DGKB: variants seen among roughly 807,000 people sequenced by gnomAD.
DGKB encodes the protein diacylglycerol kinase beta.
DGKB carries 67 observed loss-of-function variants against 114.3 expected under a neutral mutation model. The observed-to-expected ratio is 0.59, with a 90% CI of 0.48 to 0.72. The LOEUF (loss-of-function observed/expected upper bound fraction) is 0.72. Among genes scored for constraint, DGKB ranks in the 30% least tolerant of loss-of-function variants. The pLI, the probability that DGKB is intolerant of heterozygous loss-of-function variation, is 0.00. For synonymous variants in DGKB, 398 were observed against 323.1 expected, an observed-to-expected ratio of 1.23 and a Z score of -2.49; for missense variants, 907 against 975.2, an observed-to-expected ratio of 0.93 and a Z score of 0.93.
intron 23 of DGKB, among the ~76,000 whole-genome samples, chr7:14,230,914 T>C (rs748792697): frequency 2.0e-5 from 3 of 152,060 alleles, no homozygotes; most frequent in Non-Finnish European, 4.4e-5. Context: ...TGTAAGACTA[T>C]TATAAATATT....
At chr7:14,230,830 A>G (rs535517050) in intron 23 of DGKB, among the ~76,000 whole-genome samples, 2 of 152,028 alleles carry the variant, frequency 1.3e-5, no homozygotes, top group Non-Finnish European at 2.9e-5. Flanking sequence ...TACCCTCTCC[A>G]TATTTACTAC....
intron 2 of DGKB, among the ~76,000 whole-genome samples, chr7:14,793,024 G>A (rs781251866): frequency 1.1e-4 from 17 of 152,170 alleles, no homozygotes; most frequent in Admixed American, 2.0e-4. Context: ...AAAAAAAGTC[G>A]TCTGAGGCAA....
intron 5 of DGKB, among the ~76,000 whole-genome samples, chr7:14,722,184 G>A (rs1251465095): frequency 6.6e-6 from 1 of 152,158 alleles, no homozygotes; most frequent in South Asian, 2.1e-4. Context: ...TTGGACAGGT[G>A]TATAATGAAG....
chr7:14,400,747 T>A (rs965281640), intron 21 of DGKB, among the ~76,000 whole-genome samples: 1 of 84,164 alleles, frequency 1.2e-5, no homozygotes, highest in African/African-American at 3.7e-5. Flanking sequence ...TTGTTTCTTG[T>A]GTGAGATGAA....
chr7:14,390,564 AT>A (rs1457962812), intron 21 of DGKB, among the ~76,000 whole-genome samples: 4 of 152,166 alleles, frequency 2.6e-5, no homozygotes, highest in African/African-American at 9.7e-5. Context: ...TATACACTTA[AT>A]TTTTATATTA....
intron 21 of DGKB, among the ~76,000 whole-genome samples, chr7:14,365,448 C>T (rs1225096204): frequency 1.3e-5 from 2 of 152,000 alleles, no homozygotes; most frequent in African/African-American, 4.8e-5. Context: ...GAAGGGACAG[C>T]CCAGAACCGA....
Position 14,265,318 on chromosome 7 carries a change from C to CTTTTTTTTTTTTTTTTTTTTTTTTT in DGKB, c.2122+73196_2122+73197insAAAAAAAAAAAAAAAAAAAAAAAAA, listed in dbSNP as rs781569705. Among the ~76,000 whole-genome samples, 142 of 67,730 alleles carry CTTTTTTTTTTTTTTTTTTTTTTTTT rather than the reference C, an allele frequency of 2.1e-3. 17 individuals carry two copies. Among genetic ancestry groups the CTTTTTTTTTTTTTTTTTTTTTTTTT allele is most frequent in the Middle Eastern group, 0.014 (1 of 74 alleles). 44.4% of individuals were successfully genotyped at this position (67,730 alleles called of 152,430 possible). ...GGACTGCTGTCTTTTCTCTTGCATT[C>CTTTTTTTTTTTTTTTTTTTTTTTTT]TTTTTTTTTTTTTTTTTTTTGCTTA... On this transcript the variant is annotated intron_variant, in intron 23 of 25. Transcript: ENST00000402815.
intron 20 of DGKB, among the ~76,000 whole-genome samples, chr7:14,487,583 C>CTTTT (rs11433526): frequency 8.7e-5 from 11 of 125,916 alleles, no homozygotes; most frequent in Admixed American, 2.6e-4. Context: ...AAGAAAATTC[C>CTTTT]TTTTTTTTTT....
intron 23 of DGKB, among the ~76,000 whole-genome samples, chr7:14,231,104 T>TTTCC (rs1791715015): frequency 8.2e-6 from 1 of 121,646 alleles, no homozygotes; most frequent in Non-Finnish European, 1.8e-5. Flanking sequence ...TCTTTCTTTC[T>TTTCC]TTCTTTCTTT....
intron 2 of DGKB, among the ~76,000 whole-genome samples, chr7:14,786,139 T>TACACACACAC (rs367551082): frequency 2.0e-4 from 30 of 148,554 alleles, no homozygotes; most frequent in African/African-American, 7.1e-4. Flanking sequence ...CAGGAACATG[T>TACACACACAC]ACACACACAC....
At chr7:14,439,315 G>A (rs1057117954) in intron 21 of DGKB, among the ~76,000 whole-genome samples, 2 of 151,986 alleles carry the variant, frequency 1.3e-5, no homozygotes, top group East Asian at 3.9e-4. Context: ...TACAGTAAAG[G>A]AAATACAAAT....
intron 21 of DGKB, among the ~76,000 whole-genome samples, chr7:14,374,361 T>C (rs1818155565): frequency 6.6e-6 from 1 of 152,098 alleles, no homozygotes. Context: ...CCTCTCCCCA[T>C]GGGCGCTCTT....
chr7:14,663,063 G>A (rs898139100), intron 13 of DGKB, among the ~76,000 whole-genome samples: 1 of 151,748 alleles, frequency 6.6e-6, no homozygotes, highest in Non-Finnish European at 1.5e-5. Context: ...GAATACAGAG[G>A]GACAAAATGT....
intron 6 of DGKB, among the ~76,000 whole-genome samples, chr7:14,702,735 T>A (rs1364988101): frequency 6.6e-6 from 1 of 152,212 alleles, no homozygotes; most frequent in African/African-American, 2.4e-5. Context: ...TGTTGATTAC[T>A]AAGCAGCATA....
intron 23 of DGKB, among the ~76,000 whole-genome samples, chr7:14,268,335 C>T (rs1797818043): frequency 1.3e-5 from 2 of 152,038 alleles, no homozygotes; most frequent in Admixed American, 1.3e-4. Flanking sequence ...CAGGCAGCTG[C>T]TCTGAAGAGG....
rs3067654 is a variant in DGKB at position 14,343,157 on chromosome 7, C to CCACACACACACACA, written c.1926+2130_1926+2143dup. On this transcript the variant is annotated intron_variant, in intron 22 of 25. Transcript: ENST00000402815. ...AGAGAAGCAGATTTTGCCTAGCTAT[C>CCACACACACACACA]CACACACACACACACACACACACAC... 4.3e-3 allele frequency among the ~76,000 whole-genome samples: 575 copies of CCACACACACACACA among 132,890 alleles called. 3 individuals are homozygous for CCACACACACACACA. Among genetic ancestry groups the CCACACACACACACA allele is most frequent in the Middle Eastern group, 0.019 (5 of 270 alleles). The allele number at this position is 132,890 out of a possible 152,430, so 87.2% of individuals were successfully genotyped here.
At chr7:14,944,436 G>A (rs1785748018) in intron 1 of DGKB, among the ~76,000 whole-genome samples, 1 of 151,786 alleles carries the variant, frequency 6.6e-6, no homozygotes, top group Non-Finnish European at 1.5e-5. Flanking sequence ...TGTTCTTTTG[G>A]AATTATTTTT....
intron 21 of DGKB, among the ~76,000 whole-genome samples, chr7:14,471,082 G>A (rs137883809): frequency 6.7e-6 from 1 of 150,022 alleles, no homozygotes; most frequent in Non-Finnish European, 1.5e-5. Flanking sequence ...CTAGTCTGTG[G>A]GCTTTTCTTT....
chr7:14,230,864 T>C (rs1461968902), intron 23 of DGKB, among the ~76,000 whole-genome samples: 1 of 152,008 alleles, frequency 6.6e-6, no homozygotes, highest in Non-Finnish European at 1.5e-5. Context: ...CTCAGGGAAG[T>C]CTTTCTTCCT....
Sources: allele counts gnomAD v4.1 joint callset (sites outside exome capture counted in the v4.1 genomes callset), GRCh38; gene constraint gnomAD v4.1.1; transcripts MANE v1.5; gene names NCBI Gene and HGNC (gene_info 2026-07-23, HGNC 2026-07-21).